The following LYPLAL1 variants were observed in gnomAD, a reference collection of about 807,000 sequenced individuals.
The protein encoded by LYPLAL1 is lysophospholipase like 1.
Under a neutral mutation model 19.7 loss-of-function variants are expected in LYPLAL1, and 23 were observed. The observed-to-expected ratio is 1.17, with a 90% CI of 0.84 to 1.65. The LOEUF (loss-of-function observed/expected upper bound fraction) is 1.65. Ranked by LOEUF, LYPLAL1 falls within the 40% of genes most tolerant of loss-of-function variation. The pLI, the probability that LYPLAL1 is intolerant of heterozygous loss-of-function variation, is 0.00. For missense variants in LYPLAL1, 355 were observed against 279.4 expected (o/e 1.27, Z -1.93); for synonymous variants, 119 against 96.3 (o/e 1.24, Z -1.38).
chr1:219,199,603 C>T (rs941016686), intron 3 of LYPLAL1, among the ~76,000 whole-genome samples: 44 of 143,550 alleles, frequency 3.1e-4, no homozygotes, highest in East Asian at 6.7e-4. Flanking sequence ...CCACCACGCC[C>T]GGCTAATTTT....
the LYPLAL1 span, among the ~76,000 whole-genome samples, chr1:219,247,909 G>GT: frequency 6.6e-6 from 1 of 151,234 alleles, no homozygotes. Context: ...GGTAGAGAGG[G>GT]TTAAAAAAAA....
the LYPLAL1 span, among the ~76,000 whole-genome samples, chr1:219,423,273 C>T: frequency 3.3e-5 from 5 of 152,190 alleles, no homozygotes; most frequent in African/African-American, 7.2e-5. Context: ...ATCTACTGGC[C>T]GATATCTCCA....
the LYPLAL1 span, among the ~76,000 whole-genome samples, chr1:219,403,428 C>T: frequency 5.3e-5 from 8 of 152,064 alleles, no homozygotes; most frequent in African/African-American, 1.9e-4. Context: ...ATTCTGAACG[C>T]TGAGTATAAT....
At chr1:219,331,379 A>G in the LYPLAL1 span, among the ~76,000 whole-genome samples, 1 of 152,264 alleles carries the variant, frequency 6.6e-6, no homozygotes, top group Admixed American at 6.5e-5. Context: ...ACATCTGCAG[A>G]TTAGGTGGAG....
the LYPLAL1 span, among the ~76,000 whole-genome samples, chr1:219,422,670 G>A: frequency 6.6e-6 from 1 of 152,082 alleles, no homozygotes; most frequent in Non-Finnish European, 1.5e-5. Context: ...TGAAAGCCAG[G>A]ATCAACTTAA....
intron 2 of LYPLAL1, among the ~76,000 whole-genome samples, chr1:219,185,390 T>A (rs1160719370): frequency 6.6e-6 from 1 of 151,908 alleles, no homozygotes; most frequent in African/African-American, 2.4e-5. Flanking sequence ...TTCATTTATA[T>A]TTATTCTTAT....
chr1:219,320,489 G>A, the LYPLAL1 span, among the ~76,000 whole-genome samples: 5 of 152,094 alleles, frequency 3.3e-5, no homozygotes, highest in African/African-American at 7.2e-5. Flanking sequence ...TGTGCACAAC[G>A]TGCAGGTTTG....
At chr1:219,229,207 G>A in the LYPLAL1 span, among the ~76,000 whole-genome samples, 2 of 151,340 alleles carry the variant, frequency 1.3e-5, no homozygotes, top group African/African-American at 4.9e-5. Flanking sequence ...GGAAGAGCGT[G>A]GTCCCTTTAA....
the LYPLAL1 span, among the ~76,000 whole-genome samples, chr1:219,237,003 T>C: frequency 6.6e-6 from 1 of 152,110 alleles, no homozygotes; most frequent in Non-Finnish European, 1.5e-5. Flanking sequence ...TTGTTATTGT[T>C]GTAGCACCTA....
the LYPLAL1 span, among the ~76,000 whole-genome samples, chr1:219,267,232 C>G: frequency 6.6e-6 from 1 of 152,120 alleles, no homozygotes; most frequent in Non-Finnish European, 1.5e-5. Flanking sequence ...TCATTTCAAA[C>G]AAGACCACTC....
chr1:219,191,894 TA>T (rs1657213436), intron 2 of LYPLAL1, among the ~76,000 whole-genome samples: 1 of 151,680 alleles, frequency 6.6e-6, no homozygotes, highest in Admixed American at 6.6e-5. Context: ...TTTGAGTAAA[TA>T]AAAGATCCCC....
chr1:219,256,638 T>C, the LYPLAL1 span, among the ~76,000 whole-genome samples: 33 of 152,122 alleles, frequency 2.2e-4, no homozygotes, highest in African/African-American at 7.7e-4. Context: ...TCTTTACTTA[T>C]GTTGAATTTG....
At chr1:219,373,728 T>C in the LYPLAL1 span, among the ~76,000 whole-genome samples, 72 of 152,248 alleles carry the variant, frequency 4.7e-4, no homozygotes, top group South Asian at 0.014. Flanking sequence ...GATTCTATTA[T>C]AGCGAAGTAC....
At chr1:219,202,439 C>T (rs1355864586) in intron 3 of LYPLAL1, among the ~76,000 whole-genome samples, 1 of 152,110 alleles carries the variant, frequency 6.6e-6, no homozygotes, top group African/African-American at 2.4e-5. Context: ...GCTCTGCTTC[C>T]CTCTTTCTTT....
the LYPLAL1 span, among the ~76,000 whole-genome samples, chr1:219,422,387 C>T: frequency 6.6e-6 from 1 of 152,134 alleles, no homozygotes; most frequent in Non-Finnish European, 1.5e-5. Flanking sequence ...TCCTTCACAT[C>T]AGCTTCCTTC....
the LYPLAL1 span, among the ~76,000 whole-genome samples, chr1:219,417,296 A>G: frequency 6.6e-6 from 1 of 152,162 alleles, no homozygotes; most frequent in African/African-American, 2.4e-5. Context: ...TACTAATATC[A>G]TTATTATTGG....
chr1:219,370,812 C>T, the LYPLAL1 span, among the ~76,000 whole-genome samples: 1 of 152,156 alleles, frequency 6.6e-6, no homozygotes, highest in African/African-American at 2.4e-5. Flanking sequence ...ATAATCACCC[C>T]AAGAAATTGG....
At chr1:219,348,714 T>C in the LYPLAL1 span, among the ~76,000 whole-genome samples, 1 of 152,174 alleles carries the variant, frequency 6.6e-6, no homozygotes, top group African/African-American at 2.4e-5. Flanking sequence ...AGAGTGTGCA[T>C]GAAGCTGTAT....
the LYPLAL1 span, among the ~76,000 whole-genome samples, chr1:219,352,872 T>C: frequency 0.15 from 22,804 of 152,252 alleles, 1,887 homozygotes; most frequent in East Asian, 0.28. Context: ...TTCTCAGTAC[T>C]GATTCTTCTC....
Sources: allele counts gnomAD v4.1 joint callset (sites outside exome capture counted in the v4.1 genomes callset), GRCh38; gene constraint gnomAD v4.1.1; transcripts MANE v1.5; gene names NCBI Gene and HGNC (gene_info 2026-07-23, HGNC 2026-07-21).